PC: variants seen among roughly 807,000 people sequenced by gnomAD.
PC encodes the protein pyruvate carboxylase, mitochondrial.
PC carries 46 observed loss-of-function variants against 107.8 expected under a neutral mutation model. That is an observed-to-expected ratio of 0.43 (90% CI 0.34 to 0.55). PC has a LOEUF of 0.55. Ranked by LOEUF, PC falls within the 20% of genes least tolerant of loss-of-function variation. The probability of loss-of-function intolerance (pLI) is 0.04; values close to 1 mark genes in which losing one functional copy is unlikely to be tolerated. For synonymous variants in PC, 662 were observed against 684.7 expected (o/e 0.97, Z 0.52); for missense variants, 1,241 against 1,643.1 (o/e 0.76, Z 4.23).
chr11:66,852,861 C>G lies in PC; in HGVS notation c.1514-25G>C, dbSNP rs1945587413. On this transcript the variant is annotated intron_variant, in intron 13 of 22. Transcript: ENST00000393960. This position sits in a 1 kb window ranked among gnomAD's most constrained non-coding sequence, Gnocchi z 4.7. ...CCTGGGGAGAAAGCGGGCAGTGGGTCAGGGTGGGCTGGGCAGAGGCTGAGT... is the reference window on the plus strand; with the variant it reads ...CCTGGGGAGAAAGCGGGCAGTGGGTGAGGGTGGGCTGGGCAGAGGCTGAGT... 2 of 1,522,388 alleles carry G rather than the reference C, an allele frequency of 1.3e-6. No individual in the cohort carries two copies. The highest frequency in any genetic ancestry group is 3.5e-4 in the Middle Eastern group (2 of 5,676). The allele number at this position is 1,522,388 out of a possible 1,614,324, so 94.3% of individuals were successfully genotyped here.
At chr11:66,953,162 C>T (rs1312971976) in intron 2 of PC, among the ~76,000 whole-genome samples, 1 of 152,206 alleles carries the variant, frequency 6.6e-6, no homozygotes, top group African/African-American at 2.4e-5. Flanking sequence ...TACACATGAA[C>T]AAGAAGTTCT....
intron 3 of PC, among the ~76,000 whole-genome samples, chr11:66,906,494 C>T (rs556673723): frequency 6.6e-6 from 1 of 152,204 alleles, no homozygotes; most frequent in Admixed American, 6.5e-5. Context: ...CCCTCCACCC[C>T]TGGCCTAGAA....
chr11:66,956,374 C>G (rs1949561737), intron 1 of PC, among the ~76,000 whole-genome samples: 2 of 152,102 alleles, frequency 1.3e-5, no homozygotes, highest in African/African-American at 4.8e-5. Context: ...CACCTGAGGT[C>G]AGGAGTTCAA....
chr11:66,927,249 C>A (rs1425258396), intron 3 of PC, among the ~76,000 whole-genome samples: 1 of 143,350 alleles, frequency 7.0e-6, no homozygotes, highest in Non-Finnish European at 1.5e-5. Context: ...GGCTGGCCTC[C>A]CCTAGTCATG....
chr11:66,890,394 A>ATT (rs148706185), intron 3 of PC, among the ~76,000 whole-genome samples: 1 of 123,454 alleles, frequency 8.1e-6, no homozygotes, highest in Non-Finnish European at 1.7e-5. Context: ...ATTGTTTCCC[A>ATT]TTTTTTTTTT....
chr11:66,873,497 T>C (rs1234377162), intron 3 of PC, among the ~76,000 whole-genome samples: 3 of 13,716 alleles, frequency 2.2e-4, no homozygotes, highest in African/African-American at 2.6e-4. Flanking sequence ...TTATATATAT[T>C]ATATAATATT....
chr11:66,946,109 A>G (rs1949282448), intron 3 of PC, among the ~76,000 whole-genome samples: 1 of 151,786 alleles, frequency 6.6e-6, no homozygotes, highest in African/African-American at 2.4e-5. Context: ...AAAAAAAAAA[A>G]AAAAAGAAAT....
chr11:66,925,923 TAAAAA>T (rs61309968), intron 3 of PC, among the ~76,000 whole-genome samples: 2 of 134,594 alleles, frequency 1.5e-5, no homozygotes, highest in South Asian at 2.4e-4. Context: ...GGAGGGGAGT[TAAAAA>T]AAAAAAAAAA....
At chr11:66,922,958 C>A (rs768140437) in intron 3 of PC, among the ~76,000 whole-genome samples, 1 of 152,220 alleles carries the variant, frequency 6.6e-6, no homozygotes, top group Non-Finnish European at 1.5e-5. Context: ...TAGTCAATAA[C>A]ACTAGCTTCA....
chr11:66,864,263 C>A (rs987959090), intron 11 of PC, among the ~76,000 whole-genome samples: 2 of 152,178 alleles, frequency 1.3e-5, no homozygotes, highest in African/African-American at 4.8e-5. Flanking sequence ...CAGGGGCCAG[C>A]CCTGCCTCTA....
At chr11:66,919,277 G>T (rs140356114) in intron 3 of PC, among the ~76,000 whole-genome samples, 2 of 152,070 alleles carry the variant, frequency 1.3e-5, no homozygotes, top group East Asian at 3.8e-4. Flanking sequence ...TTAGCCAGGC[G>T]TGGTGGCACA....
intron 18 of PC, 97 bp from the exon 19 acceptor site, chr11:66,850,561 AGGC>A: frequency 6.2e-7 from 1 of 1,605,280 alleles, no homozygotes; most frequent in Non-Finnish European, 8.5e-7. Context: ...AGGTGACAGA[AGGC>A]GGCAAGGCCA....
At chr11:66,937,067 C>A (rs1039981369) in intron 3 of PC, among the ~76,000 whole-genome samples, 1 of 152,172 alleles carries the variant, frequency 6.6e-6, no homozygotes, top group Admixed American at 6.5e-5. Flanking sequence ...TGGTCTCGAA[C>A]TTCTGACCTC....
intron 3 of PC, among the ~76,000 whole-genome samples, chr11:66,878,210 GATTCTCAAACC>G (rs1947053623): frequency 6.6e-6 from 1 of 152,134 alleles, no homozygotes; most frequent in East Asian, 1.9e-4. Flanking sequence ...CTGGCACCGA[GATTCTCAAACC>G]TCCAGGGCAG....
chr11:66,870,539 G>A lies in PC; in HGVS notation c.752-86C>T. ...CCATCACCCCCACATAACCACTGTCGCCAGTCAGTGCCGGCTGCCAGCGGT... is the reference window on the plus strand; with the variant it reads ...CCATCACCCCCACATAACCACTGTCACCAGTCAGTGCCGGCTGCCAGCGGT... On this transcript the variant is annotated intron_variant, in intron 8 of 22. Transcript: ENST00000393960. This position sits in a 1 kb window ranked among gnomAD's most constrained non-coding sequence, Gnocchi z 6.1. 29 of 1,452,988 alleles carry A rather than the reference G, an allele frequency of 2.0e-5. No individual in the cohort carries two copies. Among genetic ancestry groups the A allele is most frequent in the South Asian group, 1.7e-4 (15 of 86,488 alleles). The allele number at this position is 1,452,988 out of a possible 1,614,324, so 90.0% of individuals were successfully genotyped here.
Position 66,851,933 on chromosome 11 carries a change from G to A in PC, c.1839C>T (p.Asp613=), listed in dbSNP as rs369234869. 9.3e-6 allele frequency: 15 copies of A among 1,613,862 alleles called. No homozygotes were observed. Among genetic ancestry groups the A allele is most frequent in the Middle Eastern group, 1.6e-4 (1 of 6,070 alleles). Residue 613 remains aspartate (D), a synonymous_variant, in exon 16 of 23, where the codon GAC becomes GAT. Transcript: ENST00000393960. Reference sequence around the variant, plus strand: ...ACTCATACAGGAAGCGCATGGCGACGTCAAACGTGGCTCCTGCACAGGAAC... The same window carrying A: ...ACTCATACAGGAAGCGCATGGCGACATCAAACGTGGCTCCTGCACAGGAAC... The part of the protein sequence containing the change: ...SMENWGGATF[D]VAMRFLYECP...
intron 3 of PC, among the ~76,000 whole-genome samples, chr11:66,879,146 C>T (rs957113740): frequency 6.6e-6 from 1 of 152,198 alleles, no homozygotes; most frequent in Non-Finnish European, 1.5e-5. Flanking sequence ...CACACACTTG[C>T]GCCCTCCCAC....
intron 12 of PC, chr11:66,859,099 G>A (rs947934808): frequency 2.7e-6 from 4 of 1,484,534 alleles, no homozygotes; most frequent in Admixed American, 2.4e-5. Flanking sequence ...TACCGGTGAG[G>A]ATGCGTGCCC....
chr11:66,885,001 C>T (rs1947310570), intron 3 of PC, among the ~76,000 whole-genome samples: 1 of 152,204 alleles, frequency 6.6e-6, no homozygotes, highest in Non-Finnish European at 1.5e-5. Flanking sequence ...CTGCTCCCCA[C>T]TCAATTCCCC....
Sources: gnomAD v4.1 joint callset for allele counts (sites outside exome capture counted in the v4.1 genomes callset) on GRCh38, gnomAD v4.1.1 for gene constraint, Gnocchi (gnomAD v3.1) non-coding constraint, MANE v1.5 for transcripts, NCBI Gene and HGNC (gene_info 2026-07-23, HGNC 2026-07-21) for gene names.